Variants in MAPK14 observed in about 807,000 individuals in gnomAD.
The protein encoded by MAPK14 is CSAID-binding protein.
MAPK14 carries 16 observed loss-of-function variants against 49.6 expected under a neutral mutation model. The observed-to-expected ratio is 0.32, with a 90% CI of 0.22 to 0.49. The LOEUF (loss-of-function observed/expected upper bound fraction) is 0.49, where lower values mean the gene tolerates loss of function less well. MAPK14 is among the 20% of genes least tolerant of loss of function. The probability of loss-of-function intolerance (pLI) is 0.99; values close to 1 mark genes in which losing one functional copy is unlikely to be tolerated. For missense variants in MAPK14, 200 were observed against 441.2 expected (o/e 0.45, Z 4.90); for synonymous variants, 142 against 158.0 (o/e 0.90, Z 0.76).
Position 36,102,627 on chromosome 6 carries a change from A to G in MAPK14, c.819A>G (p.Val273=), listed in dbSNP as rs772764791. 6.2e-7 allele frequency: 1 copy of G among 1,614,042 alleles called. No individual in the cohort carries two copies. Among genetic ancestry groups the G allele is most frequent in the Non-Finnish European group, 8.5e-7 (1 of 1,179,922 alleles). ...TQMPKMNFAN[V]FIGANPLAVD... ...TGCCGAAGATGAACTTTGCGAATGT[A>G]TTTATTGGTGCCAATCCCCTGGGTA... Residue 273 remains valine, a synonymous_variant, in exon 10 of 12, where the codon GTA becomes GTG. Transcript: ENST00000229794.
chr6:36,087,474 C>G (rs1031030519), intron 8 of MAPK14, among the ~76,000 whole-genome samples: 5 of 152,126 alleles, frequency 3.3e-5, no homozygotes, highest in South Asian at 2.1e-4. Flanking sequence ...CACAACTATT[C>G]CTATACACCA....
chr6:36,072,073 A>C (rs1322666419), intron 3 of MAPK14, among the ~76,000 whole-genome samples: 1 of 151,338 alleles, frequency 6.6e-6, no homozygotes, highest in Non-Finnish European at 1.5e-5. Context: ...GCAGGTAGTT[A>C]AAGTTAGAAT....
intron 6 of MAPK14, 62 bp from the exon 7 acceptor site, chr6:36,075,785 GT>G (rs750047954): frequency 2.8e-5 from 45 of 1,580,182 alleles, no homozygotes; most frequent in Admixed American, 6.8e-5. Flanking sequence ...TTGTTGTTTT[GT>G]TTTTTTTTCC....
intron 8 of MAPK14, chr6:36,092,279 C>T: frequency 1.7e-6 from 1 of 582,938 alleles, no homozygotes; most frequent in Non-Finnish European, 3.3e-6. Context: ...GAACATTCAG[C>T]AGCGTCCCCT....
rs371920281 is a variant in MAPK14 at position 36,045,808 on chromosome 6, C to CAAA, written c.117-6868_117-6866dup. Among the ~76,000 whole-genome samples, 108 of 46,336 alleles carry CAAA rather than the reference C, an allele frequency of 2.3e-3. 1 individual carries two copies. Among genetic ancestry groups the CAAA allele is most frequent in the Middle Eastern group, 0.013 (1 of 78 alleles). 30.4% of individuals were successfully genotyped at this position (46,336 alleles called of 152,430 possible). A position where few individuals can be genotyped will look rare whatever the true frequency, so the allele number is the denominator to read the frequency against. ...TGGGTGACACAGCAAGACTCTGTCT[C>CAAA]AAAAAAAAAAAAAAAAAAAAAAAAA... On this transcript the variant is annotated intron_variant, in intron 1 of 11. Transcript: ENST00000229794.
the MAPK14 span, among the ~76,000 whole-genome samples, chr6:36,124,116 T>TCC: frequency 3.0e-4 from 21 of 69,856 alleles, no homozygotes; most frequent in Non-Finnish European, 3.7e-4. Flanking sequence ...TCTCTCTCTC[T>TCC]CTCCTCCCTC....
rs1372945475 is a variant in MAPK14 at position 36,107,741 on chromosome 6, T to C, written c.1015+113T>C. Reference sequence around the variant, plus strand: ...TAAAGCTTGTAGATGAGGTCTCTAATGCAGAATGAATATGTTCTCTGGTGG... The same window carrying C: ...TAAAGCTTGTAGATGAGGTCTCTAACGCAGAATGAATATGTTCTCTGGTGG... On this transcript the variant is annotated intron_variant, in intron 11 of 11. Transcript: ENST00000229794. The surrounding 1 kb of genome is among the most constrained non-coding windows in gnomAD (Gnocchi z 4.3). 1 of 641,184 alleles carries C rather than the reference T, an allele frequency of 1.6e-6. No individual in the cohort carries two copies. The highest frequency in any genetic ancestry group is 2.5e-6 in the Non-Finnish European group (1 of 405,684). 39.7% of individuals were successfully genotyped at this position (641,184 alleles called of 1,614,324 possible). A position where few individuals can be genotyped will look rare whatever the true frequency, so the allele number is the denominator to read the frequency against.
At chr6:36,121,076 C>A in the MAPK14 span, among the ~76,000 whole-genome samples, 2 of 152,004 alleles carry the variant, frequency 1.3e-5, no homozygotes, top group Non-Finnish European at 2.9e-5. Flanking sequence ...CCCTCCTTGG[C>A]AAAGCAGAGG....
intron 8 of MAPK14, among the ~76,000 whole-genome samples, chr6:36,088,072 A>G (rs149558921): frequency 1.3e-5 from 2 of 152,350 alleles, no homozygotes; most frequent in Non-Finnish European, 2.9e-5. Context: ...CTGGCTAGCC[A>G]TGTGCAGAAA....
chr6:36,039,356 T>G (rs1762869733), intron 1 of MAPK14, among the ~76,000 whole-genome samples: 1 of 152,234 alleles, frequency 6.6e-6, no homozygotes, highest in Admixed American at 6.5e-5. Context: ...CATTAGACCC[T>G]GAACATGTTG....
intron 2 of MAPK14, among the ~76,000 whole-genome samples, chr6:36,057,530 C>T (rs56059109): frequency 0.14 from 21,776 of 152,122 alleles, 1,941 homozygotes; most frequent in African/African-American, 0.26. Flanking sequence ...TTTTCAGGTT[C>T]AGACTGTAAA....
chr6:36,075,674 C>T (rs1764502851), intron 6 of MAPK14, 174 bp from the exon 7 acceptor site: 8 of 813,812 alleles, frequency 9.8e-6, no homozygotes, highest in East Asian at 2.7e-5. Flanking sequence ...TAAGTTCTTG[C>T]TGTATATTTA....
In MAPK14 at chr6:36,059,323, G is replaced by A; in HGVS notation, c.281G>A (p.Arg94Lys). The change falls in exon 3 of 12, where the codon AGG becomes AAG. Residue 94 changes from arginine (R) to lysine (K), a missense_variant. Physicochemically the swap from Arg to Lys is conservative, Grantham distance 26 (BLOSUM62 2). Around this residue, in one of 2 missense-constraint regions of MAPK14, gnomAD observed 170 missense variants for 407.0 expected, o/e 0.42. Coordinates refer to ENST00000229794, the MANE Select transcript of MAPK14 (RefSeq NM_139012.3). ...CTGTTGGACGTTTTTACACCTGCAA[G>A]GTCTCTGGAGGAATTCAATGATGTG... ...IGLLDVFTPA[R>K]SLEEFNDVYL... 6.2e-7 allele frequency: 1 copy of A among 1,612,216 alleles called. No homozygotes were observed. Among genetic ancestry groups the A allele is most frequent in the Non-Finnish European group, 8.5e-7 (1 of 1,178,474 alleles).
At chr6:36,093,391 G>A (rs1269290896) in intron 8 of MAPK14, among the ~76,000 whole-genome samples, 1 of 152,134 alleles carries the variant, frequency 6.6e-6, no homozygotes, top group East Asian at 1.9e-4. Flanking sequence ...GAAATTCACA[G>A]CTCAGAGAGC....
downstream of MAPK14, among the ~76,000 whole-genome samples, chr6:36,111,404 A>G (rs1041054456): frequency 5.9e-5 from 9 of 152,296 alleles, no homozygotes; most frequent in South Asian, 1.0e-3. Context: ...TTTCTCATCT[A>G]TAAAGTGAAG....
chr6:36,076,856 A>C, intron 8 of MAPK14: 1 of 362,530 alleles, frequency 2.8e-6, no homozygotes, highest in East Asian at 4.9e-5. Flanking sequence ...TTCTTTTTGC[A>C]ACAGTCCCTT....
the MAPK14 span, among the ~76,000 whole-genome samples, chr6:36,116,587 G>A: frequency 1.4e-4 from 21 of 152,040 alleles, no homozygotes; most frequent in African/African-American, 4.6e-4. Context: ...ACAGTGGCCC[G>A]TGCATGCTCA....
At chr6:36,058,374 C>T (rs912504456) in intron 2 of MAPK14, among the ~76,000 whole-genome samples, 3 of 152,132 alleles carry the variant, frequency 2.0e-5, no homozygotes, top group Non-Finnish European at 2.9e-5. Context: ...TTAGTACATA[C>T]GTAAGGCAAG....
chr6:36,032,720 T>C (rs954236174), intron 1 of MAPK14, among the ~76,000 whole-genome samples: 7 of 152,192 alleles, frequency 4.6e-5, no homozygotes, highest in African/African-American at 1.4e-4. Flanking sequence ...AACAAGACAA[T>C]CCATTCTCTC....
Sources: allele counts gnomAD v4.1 joint callset (sites outside exome capture counted in the v4.1 genomes callset), GRCh38; gene constraint gnomAD v4.1.1; regional missense constraint gnomAD v4.1.1; non-coding constraint Gnocchi (gnomAD v3.1); transcripts MANE v1.5; gene names NCBI Gene and HGNC (gene_info 2026-07-23, HGNC 2026-07-21).